Variants in ST3GAL3 observed in about 807,000 individuals in gnomAD.
The protein encoded by ST3GAL3 is ST3 beta-galactoside alpha-2,3-sialyltransferase 3, also known as CMP-N-acetylneuraminate-beta-1,4-galactoside alpha-2,3-sialyltransferase.
A neutral mutation model predicts 50.1 loss-of-function variants in ST3GAL3; 21 were observed. The observed-to-expected ratio is 0.42, with a 90% CI of 0.30 to 0.60. The LOEUF (loss-of-function observed/expected upper bound fraction) is 0.60, where lower values mean the gene tolerates loss of function less well. Ranked by LOEUF, ST3GAL3 falls within the 20% of genes least tolerant of loss-of-function variation. ST3GAL3 has a pLI of 0.19. For synonymous variants in ST3GAL3, 183 were observed against 190.0 expected (o/e 0.96, Z 0.30); for missense variants, 353 against 489.4 (o/e 0.72, Z 2.63).
intron 5 of ST3GAL3, among the ~76,000 whole-genome samples, chr1:43,892,661 G>GA (rs531252185): frequency 5.3e-5 from 8 of 150,138 alleles, no homozygotes; most frequent in Non-Finnish European, 1.0e-4. Context: ...GAGGAAAAGG[G>GA]AAAAAAAAAT....
At chr1:43,800,205 G>T (rs2059163518) in intron 3 of ST3GAL3, among the ~76,000 whole-genome samples, 1 of 152,198 alleles carries the variant, frequency 6.6e-6, no homozygotes, top group Admixed American at 6.5e-5. Flanking sequence ...ACCCATTTGA[G>T]ATTGGATCTT....
intron 5 of ST3GAL3, chr1:43,850,807 C>T (rs2067149851): frequency 1.0e-6 from 1 of 994,790 alleles, no homozygotes; most frequent in East Asian, 2.4e-5. Flanking sequence ...TGCTTCAGGG[C>T]CACAGCAACC....
chr1:43,900,373 G>C (rs2078092374), intron 9 of ST3GAL3, among the ~76,000 whole-genome samples: 1 of 152,194 alleles, frequency 6.6e-6, no homozygotes, highest in South Asian at 2.1e-4. Context: ...GTTCTAAGCA[G>C]GTAAGGGTCT....
At chr1:43,857,360 A>T (rs1292004214) in intron 5 of ST3GAL3, among the ~76,000 whole-genome samples, 2 of 152,212 alleles carry the variant, frequency 1.3e-5, no homozygotes, top group African/African-American at 2.4e-5. Flanking sequence ...AATAAAAAAT[A>T]GGCCTGGCAC....
At chr1:43,869,891 A>G (rs375849556) in intron 5 of ST3GAL3, among the ~76,000 whole-genome samples, 6 of 152,352 alleles carry the variant, frequency 3.9e-5, no homozygotes, top group African/African-American at 1.4e-4. Flanking sequence ...CGCTACAGGC[A>G]GTTAGCAGGG....
At chr1:43,877,902 A>G (rs566942360) in intron 5 of ST3GAL3, among the ~76,000 whole-genome samples, 1 of 152,328 alleles carries the variant, frequency 6.6e-6, no homozygotes, top group South Asian at 2.1e-4. Flanking sequence ...AGGAAAAAAG[A>G]TGGCTGAAAC....
chr1:43,861,994 C>T (rs1310622654), intron 5 of ST3GAL3, among the ~76,000 whole-genome samples: 15 of 150,990 alleles, frequency 9.9e-5, no homozygotes, highest in Admixed American at 9.2e-4. Flanking sequence ...CGCCATTGTA[C>T]TCCTGCCTGG....
At chr1:43,913,271 T>C (rs1571334135) in intron 9 of ST3GAL3, 3 of 152,210 alleles carry the variant, frequency 2.0e-5, no homozygotes, top group African/African-American at 7.2e-5. Flanking sequence ...TCATAATAAG[T>C]AAGATTTATT....
At chr1:43,765,753 CTG>C (rs778848698) in intron 2 of ST3GAL3, among the ~76,000 whole-genome samples, 1,450 of 115,742 alleles carry the variant, frequency 0.013, 14 homozygotes, top group African/African-American at 0.027. Context: ...CTGTGTGTGT[CTG>C]TGTGTGTGTG....
chr1:43,843,202 T>C (rs2065698051), intron 5 of ST3GAL3, among the ~76,000 whole-genome samples: 1 of 152,232 alleles, frequency 6.6e-6, no homozygotes, highest in Non-Finnish European at 1.5e-5. Flanking sequence ...ATTATGGTGT[T>C]AGCTGTAGGT....
At chr1:43,748,822 T>C (rs1315801984) in intron 2 of ST3GAL3, among the ~76,000 whole-genome samples, 2 of 152,128 alleles carry the variant, frequency 1.3e-5, no homozygotes, top group African/African-American at 4.8e-5. Flanking sequence ...TCCTCATTCT[T>C]TCAAGATTGA....
intron 1 of ST3GAL3, among the ~76,000 whole-genome samples, chr1:43,710,193 C>T (rs138144314): frequency 0.013 from 2,027 of 152,186 alleles, 50 homozygotes; most frequent in African/African-American, 0.047. Context: ...GTAATTCTCC[C>T]GTCTCAGCCT....
intron 3 of ST3GAL3, among the ~76,000 whole-genome samples, chr1:43,806,305 T>A (rs1004922209): frequency 2.0e-5 from 3 of 152,112 alleles, no homozygotes; most frequent in Non-Finnish European, 4.4e-5. Flanking sequence ...GTAGGAGAAA[T>A]GTCACCTGCA....
Position 43,920,412 on chromosome 1 carries a change from G to C in ST3GAL3, c.753G>C (p.Ser251=), listed in dbSNP as rs187276382. The change falls in exon 10 of 12, where the codon TCG becomes TCC. Residue 251 remains serine, a synonymous_variant. Transcript: ENST00000347631. Reference sequence around the variant, plus strand: ...TTTTGCTGTGTCCACAGAGTGCATCGGATGGCTTCTGGAAATCTGTGGCCA... The same window carrying C: ...TTTTGCTGTGTCCACAGAGTGCATCCGATGGCTTCTGGAAATCTGTGGCCA... ...YIVYKERVSA[S]DGFWKSVATR... The C allele has an allele frequency of 6.2e-7, 1 of 1,613,978 alleles. No individual in the cohort carries two copies. Among genetic ancestry groups the C allele is most frequent in the Admixed American group, 1.7e-5 (1 of 59,994 alleles).
rs1221759305 is a variant in ST3GAL3, at chr1:43,925,537, T to A, written c.1039-4595T>A. Among the ~76,000 whole-genome samples, 43 of 152,348 alleles carry A rather than the reference T, an allele frequency of 2.8e-4. 1 individual carries two copies. Among genetic ancestry groups the A allele is most frequent in the Non-Finnish European group, 2.9e-5 (2 of 68,026 alleles). On this transcript the variant is annotated intron_variant, in intron 11 of 11. Transcript: ENST00000347631. ...TTTACCCCTACTTGCCACTGTTATT[T>A]ACCAATCCCCAGAAGAGGATTCACT...
At chr1:43,817,597 C>CT (rs2061486256) in intron 4 of ST3GAL3, among the ~76,000 whole-genome samples, 3 of 77,300 alleles carry the variant, frequency 3.9e-5, no homozygotes, top group African/African-American at 6.3e-5. Context: ...TTCTCCTCCT[C>CT]CCTTCTCCTT....
intron 1 of ST3GAL3, among the ~76,000 whole-genome samples, chr1:43,721,949 T>G (rs1670704907): frequency 6.6e-6 from 1 of 152,042 alleles, no homozygotes; most frequent in African/African-American, 2.4e-5. Context: ...AATAATCAGT[T>G]AGTCAACAGA....
At position 43,737,410 on chromosome 1, in the gene ST3GAL3, G is replaced by A. The variant is rs1678986713; in HGVS notation, c.118+1030G>A. On this transcript the variant is annotated intron_variant, in intron 2 of 11. Coordinates refer to ENST00000347631, the MANE Select transcript of ST3GAL3 (RefSeq NM_006279.5). The surrounding 1 kb of genome is among the most constrained non-coding windows in gnomAD (Gnocchi z 4.0). Reference sequence around the variant, plus strand: ...ACCCTAACATGGGAAGTATTACAGTGAAGTAGCTCATTTATTTCTCCCATG... The same window carrying A: ...ACCCTAACATGGGAAGTATTACAGTAAAGTAGCTCATTTATTTCTCCCATG... 1 of 152,180 alleles carries A rather than the reference G, an allele frequency of 6.6e-6. No homozygotes were observed. Among genetic ancestry groups the A allele is most frequent in the Admixed American group, 6.5e-5 (1 of 15,274 alleles). 9.4% of individuals were successfully genotyped at this position (152,180 alleles called of 1,614,324 possible). A position where few individuals can be genotyped will look rare whatever the true frequency, so the allele number is the denominator to read the frequency against.
At chr1:43,853,024 A>G (rs1031410077) in intron 5 of ST3GAL3, among the ~76,000 whole-genome samples, 5 of 152,264 alleles carry the variant, frequency 3.3e-5, no homozygotes, top group African/African-American at 1.2e-4. Flanking sequence ...AAGAAAAAAT[A>G]TAACTCGTAA....
Sources: gnomAD v4.1 joint callset for allele counts (sites outside exome capture counted in the v4.1 genomes callset) on GRCh38, gnomAD v4.1.1 for gene constraint, Gnocchi (gnomAD v3.1) non-coding constraint, MANE v1.5 for transcripts, NCBI Gene and HGNC (gene_info 2026-07-23, HGNC 2026-07-21) for gene names.